Variants in ZBTB38 observed in about 807,000 individuals in gnomAD.
ZBTB38 encodes zinc finger and BTB domain-containing protein 38.
A neutral mutation model predicts 76.8 loss-of-function variants in ZBTB38; 20 were observed. That is an observed-to-expected ratio of 0.26 (90% CI 0.18 to 0.38). The LOEUF (loss-of-function observed/expected upper bound fraction) is 0.38, where lower values mean the gene tolerates loss of function less well. Among genes scored for constraint, ZBTB38 ranks in the 10% least tolerant of loss-of-function variants. The probability of loss-of-function intolerance (pLI) is 1.00; values close to 1 mark genes in which losing one functional copy is unlikely to be tolerated. For synonymous variants in ZBTB38, 504 were observed against 544.2 expected, an observed-to-expected ratio of 0.93 and a Z score of 1.03; for missense variants, 1,082 against 1,482.3, an observed-to-expected ratio of 0.73 and a Z score of 4.43.
At chr3:141,340,966 G>GA (rs769713354) in intron 1 of ZBTB38, among the ~76,000 whole-genome samples, 49 of 83,900 alleles carry the variant, frequency 5.8e-4, no homozygotes, top group African/African-American at 3.0e-3. Flanking sequence ...AAGAAAGAAA[G>GA]AAAGAAAGAA....
intron 4 of ZBTB38, among the ~76,000 whole-genome samples, chr3:141,395,763 C>T (rs1015483434): frequency 2.0e-5 from 3 of 152,106 alleles, no homozygotes; most frequent in Non-Finnish European, 2.9e-5. Flanking sequence ...AGGTTCGGTT[C>T]CAGGCTACTT....
chr3:141,419,671 GA>G (rs2074907626), intron 5 of ZBTB38, among the ~76,000 whole-genome samples: 1 of 152,234 alleles, frequency 6.6e-6, no homozygotes, highest in East Asian at 1.9e-4. Flanking sequence ...TCGTAAGAAG[GA>G]AAATAAGGAG....
At chr3:141,367,901 A>G (rs1452054307), upstream of ZBTB38, 1 of 152,264 alleles carries the variant, frequency 6.6e-6, no homozygotes, top group Non-Finnish European at 1.5e-5. Context: ...GCACTGAGAT[A>G]TAAATATCCC....
At chr3:141,373,936 C>T (rs561637272) in intron 2 of ZBTB38, among the ~76,000 whole-genome samples, 1 of 152,154 alleles carries the variant, frequency 6.6e-6, no homozygotes, top group Non-Finnish European at 1.5e-5. Flanking sequence ...TCAAGACCAG[C>T]CCAGCCAAAA....
At chr3:141,381,734 A>G (rs1436141458) in intron 3 of ZBTB38, among the ~76,000 whole-genome samples, 1 of 152,218 alleles carries the variant, frequency 6.6e-6, no homozygotes, top group Non-Finnish European at 1.5e-5. Context: ...CAATTACTGC[A>G]AATGAAGCAG....
At chr3:141,433,883 T>C (rs1443753884) in intron 5 of ZBTB38, among the ~76,000 whole-genome samples, 1 of 152,208 alleles carries the variant, frequency 6.6e-6, no homozygotes, top group African/African-American at 2.4e-5. Context: ...ACTTGACAAG[T>C]GATAATCTCC....
chr3:141,428,794 G>A (rs1182275329), intron 5 of ZBTB38, among the ~76,000 whole-genome samples: 2 of 152,078 alleles, frequency 1.3e-5, no homozygotes, highest in East Asian at 3.8e-4. Flanking sequence ...CATTTTTTAT[G>A]TGCCGGCCTC....
chr3:141,398,327 C>CT (rs895990420), intron 4 of ZBTB38, among the ~76,000 whole-genome samples: 9 of 151,022 alleles, frequency 6.0e-5, no homozygotes, highest in Middle Eastern at 3.4e-3. Context: ...TGATTATTAC[C>CT]TTTTTTTTTC....
Position 141,398,052 on chromosome 3 carries a change from G to T in ZBTB38, c.-105-5875G>T, listed in dbSNP as rs150998432. Among the ~76,000 whole-genome samples the T allele has an allele frequency of 5.9e-5, 9 of 152,260 alleles. No homozygotes were observed. The East Asian group carries it at 1.7e-3, about 29-fold the overall frequency. ...CCGATAAAGTGGAGTGCAATAAAACGAGCTATGTTTATATTCTCCTTTTGA... is the reference window on the plus strand; with the variant it reads ...CCGATAAAGTGGAGTGCAATAAAACTAGCTATGTTTATATTCTCCTTTTGA... On this transcript the variant is annotated intron_variant, in intron 4 of 5. Transcript: ENST00000321464.
At chr3:141,344,850 AT>A (rs1943299305) in intron 1 of ZBTB38, among the ~76,000 whole-genome samples, 1 of 152,272 alleles carries the variant, frequency 6.6e-6, no homozygotes, top group African/African-American at 2.4e-5. Context: ...TCTTAATCAC[AT>A]CTGCAAAGCC....
chr3:141,336,098 A>G (rs1166997615), intron 1 of ZBTB38, among the ~76,000 whole-genome samples: 1 of 152,220 alleles, frequency 6.6e-6, no homozygotes, highest in Non-Finnish European at 1.5e-5. Flanking sequence ...CTGAAAGCAG[A>G]CAGTCCTGTG....
intron 1 of ZBTB38, among the ~76,000 whole-genome samples, chr3:141,361,079 A>G (rs1426432247): frequency 2.6e-5 from 4 of 152,152 alleles, no homozygotes; most frequent in African/African-American, 9.7e-5. Context: ...GCACTCAGGG[A>G]ACTTTGTTTT....
rs756153971 is a variant in ZBTB38, at chr3:141,445,289, G to C, written c.2901G>C (p.Gln967His). The change falls in exon 6 of 6, where the codon CAG becomes CAC. Residue 967 changes from glutamine (Q) to histidine (H), a missense_variant. This residue lies in a region of ZBTB38 where 471 missense variants were observed against 581.0 expected (regional missense o/e 0.81). Transcript: ENST00000321464. This position sits in a 1 kb window ranked among gnomAD's most constrained non-coding sequence, Gnocchi z 6.5. ...ELDCAVGKAP[Q>H]DKPFEEEETK... ...ATTGCGCCGTGGGGAAGGCTCCTCA[G>C]GATAAACCCTTTGAGGAAGAAGAAA... 1 of 1,614,160 alleles carries C rather than the reference G, an allele frequency of 6.2e-7. No individual in the cohort carries two copies. Among genetic ancestry groups the C allele is most frequent in the Non-Finnish European group, 8.5e-7 (1 of 1,180,024 alleles).
At chr3:141,425,898 CTT>C in intron 5 of ZBTB38, among the ~76,000 whole-genome samples, 1 of 152,330 alleles carries the variant, frequency 6.6e-6, no homozygotes, top group Non-Finnish European at 1.5e-5. Context: ...CTAAACCTCA[CTT>C]TTCTCATTTG....
At chr3:141,342,780 G>A (rs1008378159) in intron 1 of ZBTB38, among the ~76,000 whole-genome samples, 6 of 149,878 alleles carry the variant, frequency 4.0e-5, no homozygotes, top group African/African-American at 1.5e-4. Flanking sequence ...TACAGGCAGT[G>A]GGAAGAAGCC....
At chr3:141,380,304 C>T (rs1320639317) in intron 2 of ZBTB38, among the ~76,000 whole-genome samples, 1 of 152,202 alleles carries the variant, frequency 6.6e-6, no homozygotes, top group Non-Finnish European at 1.5e-5. Flanking sequence ...GCAGTGTTGT[C>T]AGGCCACTCT....
intron 5 of ZBTB38, among the ~76,000 whole-genome samples, chr3:141,411,373 C>T (rs990796592): frequency 6.6e-6 from 1 of 152,222 alleles, no homozygotes; most frequent in Admixed American, 6.5e-5. Context: ...GTCTTATAGT[C>T]CCTGACTTGA....
At position 141,443,129 on chromosome 3, in the gene ZBTB38, C is replaced by T. The variant is rs2080587979; in HGVS notation, c.741C>T (p.Asn247=). The change falls in exon 6 of 6, where the codon AAC becomes AAT. Residue 247 remains asparagine, a synonymous_variant. Transcript: ENST00000321464. The surrounding 1 kb of genome is among the most constrained non-coding windows in gnomAD (Gnocchi z 5.6). ...VREHDGSSPG[N]TGKENCEALA... ...AACATGATGGCAGTTCACCTGGTAA[C>T]ACAGGGAAAGAAAATTGTGAAGCCC... 3.1e-6 allele frequency: 5 copies of T among 1,614,198 alleles called. No individual in the cohort carries two copies. The highest frequency in any genetic ancestry group is 4.2e-6 in the Non-Finnish European group (5 of 1,180,036).
At chr3:141,423,671 CA>C in intron 5 of ZBTB38, among the ~76,000 whole-genome samples, 1 of 152,294 alleles carries the variant, frequency 6.6e-6, no homozygotes, top group South Asian at 2.1e-4. Flanking sequence ...GTAATTTAAT[CA>C]AGGACTTCAA....
Sources: gnomAD v4.1 joint callset for allele counts (sites outside exome capture counted in the v4.1 genomes callset) on GRCh38, gnomAD v4.1.1 for gene constraint, gnomAD v4.1.1 regional missense constraint, Gnocchi (gnomAD v3.1) non-coding constraint, MANE v1.5 for transcripts, NCBI Gene and HGNC (gene_info 2026-07-23, HGNC 2026-07-21) for gene names.